Variants in RFX4 observed in about 807,000 individuals in gnomAD.
RFX4 encodes the protein transcription factor RFX4.
Under a neutral mutation model 95.0 loss-of-function variants are expected in RFX4, and 10 were observed. The observed-to-expected ratio is 0.11, with a 90% CI of 0.06 to 0.18. The LOEUF (loss-of-function observed/expected upper bound fraction) is 0.18, where lower values mean the gene tolerates loss of function less well. Among genes scored for constraint, RFX4 ranks in the 10% least tolerant of loss-of-function variants. The pLI is 1.00. For synonymous variants in RFX4, 321 were observed against 340.7 expected, an observed-to-expected ratio of 0.94 and a Z score of 0.64; for missense variants, 640 against 922.0, an observed-to-expected ratio of 0.69 and a Z score of 3.96.
At chr12:106,601,782 T>C (rs1444917228) in intron 1 of RFX4, among the ~76,000 whole-genome samples, 1 of 152,214 alleles carries the variant, frequency 6.6e-6, no homozygotes, top group African/African-American at 2.4e-5. Context: ...CTCCCACCAC[T>C]GGGAGTCACA....
intron 1 of RFX4, among the ~76,000 whole-genome samples, chr12:106,606,814 C>T (rs979825791): frequency 1.3e-5 from 2 of 152,072 alleles, no homozygotes; most frequent in Admixed American, 1.3e-4. Flanking sequence ...AACAAAAATC[C>T]GACATTTCTC....
intron 1 of RFX4, among the ~76,000 whole-genome samples, chr12:106,599,498 ATG>A (rs2039668854): frequency 6.6e-6 from 1 of 151,928 alleles, no homozygotes; most frequent in Non-Finnish European, 1.5e-5. Flanking sequence ...GATGATGATG[ATG>A]ATGATGATGA....
At chr12:106,659,182 A>T (rs2041021593) in intron 4 of RFX4, among the ~76,000 whole-genome samples, 3 of 152,062 alleles carry the variant, frequency 2.0e-5, no homozygotes, top group African/African-American at 7.3e-5. Context: ...TCTTGAATTT[A>T]AAACTGCAGT....
At chr12:106,590,813 G>A (rs2039528759) in intron 1 of RFX4, among the ~76,000 whole-genome samples, 1 of 152,070 alleles carries the variant, frequency 6.6e-6, no homozygotes, top group Admixed American at 6.5e-5. Context: ...CGGACATGGT[G>A]GTGCATGCCT....
At position 106,586,246 on chromosome 12, in the gene RFX4, G is replaced by C. The variant is rs2039456180; in HGVS notation, c.43+2883G>C. Among the ~76,000 whole-genome samples, 1 of 152,048 alleles carries C rather than the reference G, an allele frequency of 6.6e-6. No individual in the cohort carries two copies. The highest frequency in any genetic ancestry group is 6.5e-5 in the Admixed American group (1 of 15,288). On this transcript the variant is annotated intron_variant, in intron 1 of 17. Coordinates refer to ENST00000392842, the MANE Select transcript of RFX4 (RefSeq NM_213594.3). The surrounding 1 kb of genome is among the most constrained non-coding windows in gnomAD (Gnocchi z 5.6). ...CGCGGTTTGCAGTAAGCGCAGGCGC[G>C]CGTCCCGCTCGGCCCGCGCTACAGC...
chr12:106,686,836 TCTC>T lies in RFX4; in HGVS notation c.378-47_378-45del, dbSNP rs754040869. On this transcript the variant is annotated intron_variant, in intron 5 of 17. Coordinates refer to ENST00000392842, the MANE Select transcript of RFX4 (RefSeq NM_213594.3). ...CTTAATAACAGTGCATGTGGGTCTC[TCTC>T]TTTTTTTTTTTTTCTCTCTCTCCCT... is the stretch of plus-strand genomic sequence containing the variant. 3.3e-6 allele frequency: 5 copies of T among 1,527,980 alleles called. No individual in the cohort carries two copies. The African/African-American group carries it at 5.1e-5, about 16-fold the overall frequency. 94.7% of individuals were successfully genotyped at this position (1,527,980 alleles called of 1,614,324 possible). A position where few individuals can be genotyped will look rare whatever the true frequency, so the allele number is the denominator to read the frequency against.
At chr12:106,602,203 C>T (rs570483578) in intron 1 of RFX4, among the ~76,000 whole-genome samples, 27 of 152,146 alleles carry the variant, frequency 1.8e-4, no homozygotes, top group Non-Finnish European at 3.4e-4. Context: ...TCAGTTGCTG[C>T]GAGCAACAGA....
At chr12:106,691,710 T>C (rs2041787124) in intron 7 of RFX4, among the ~76,000 whole-genome samples, 1 of 152,228 alleles carries the variant, frequency 6.6e-6, no homozygotes, top group African/African-American at 2.4e-5. Flanking sequence ...TGTAAGCTTT[T>C]GAGGGCAGGA....
rs746465399 is a variant in RFX4 at position 106,639,356 on chromosome 12, C to T, written c.155C>T (p.Ala52Val). Reference sequence around the variant, plus strand: ...GATGAGGAAAAAGAAAATAATAGAGCATCCAAGCCCCACTCCACTCCTGCT... The same window carrying T: ...GATGAGGAAAAAGAAAATAATAGAGTATCCAAGCCCCACTCCACTCCTGCT... ...DENEEKENNR[A>V]SKPHSTPATL... The change falls in exon 3 of 18, where the codon GCA becomes GTA. Residue 52 changes from alanine to valine, a missense_variant. Physicochemically the swap from Ala to Val is moderately conservative, Grantham distance 64. Coordinates refer to ENST00000392842, the MANE Select transcript of RFX4 (RefSeq NM_213594.3). 5.3e-5 allele frequency: 85 copies of T among 1,613,638 alleles called. 2 individuals are homozygous for T. In the Middle Eastern group the frequency reaches 9.9e-4, roughly 19 times the overall value.
chr12:106,727,676 A>G (rs898651427), intron 13 of RFX4, among the ~76,000 whole-genome samples: 4 of 151,930 alleles, frequency 2.6e-5, no homozygotes, highest in Non-Finnish European at 4.4e-5. Context: ...CTGGAGTGCA[A>G]TGGCACGACC....
chr12:106,660,411 GA>G, intron 4 of RFX4, among the ~76,000 whole-genome samples: 1 of 151,804 alleles, frequency 6.6e-6, no homozygotes, highest in Admixed American at 6.6e-5. Context: ...AAGGTCCATG[GA>G]AGCTAAAGTG....
At chr12:106,673,142 G>C (rs533212189) in intron 4 of RFX4, among the ~76,000 whole-genome samples, 22 of 152,206 alleles carry the variant, frequency 1.4e-4, no homozygotes, top group Non-Finnish European at 2.6e-4. Context: ...AATGAGGAGC[G>C]TCTGCAAATC....
intron 1 of RFX4, among the ~76,000 whole-genome samples, chr12:106,607,285 C>A (rs1024213259): frequency 4.6e-5 from 7 of 152,136 alleles, no homozygotes; most frequent in African/African-American, 1.7e-4. Flanking sequence ...AAAACTTTGT[C>A]AATGACACAT....
At position 106,661,953 on chromosome 12, in the gene RFX4, T is replaced by A. The variant is rs148712597; in HGVS notation, c.315+7602T>A. Among the ~76,000 whole-genome samples the A allele has an allele frequency of 6.2e-3, 937 of 152,102 alleles. 4 individuals carry two copies. Among genetic ancestry groups the A allele is most frequent in the Middle Eastern group, 0.01 (3 of 294 alleles). ...GTCTGGAGGTACCATGGTTTATTTA[T>A]CCACCTACTTACTGAAGGATATTTT... On this transcript the variant is annotated intron_variant, in intron 4 of 17. Coordinates refer to ENST00000392842, the MANE Select transcript of RFX4 (RefSeq NM_213594.3).
intron 17 of RFX4, among the ~76,000 whole-genome samples, chr12:106,758,253 C>G (rs901342834): frequency 6.6e-6 from 1 of 152,126 alleles, no homozygotes; most frequent in Non-Finnish European, 1.5e-5. Flanking sequence ...ATGTTAATGA[C>G]CAGGCCAAGG....
chr12:106,730,499 A>T (rs2137556726), intron 13 of RFX4, among the ~76,000 whole-genome samples: 1 of 152,342 alleles, frequency 6.6e-6, no homozygotes, highest in South Asian at 2.1e-4. Flanking sequence ...ACTAATGAAG[A>T]GACTCATTTC....
chr12:106,591,069 A>G (rs1196055308), intron 1 of RFX4, among the ~76,000 whole-genome samples: 2 of 152,068 alleles, frequency 1.3e-5, no homozygotes, highest in South Asian at 2.1e-4. Context: ...AGGGCCCACA[A>G]CCCAGCTGGC....
Position 106,641,229 on chromosome 12 carries a change from C to T in RFX4, c.191+1837C>T, listed in dbSNP as rs1273450377. Among the ~76,000 whole-genome samples the T allele has an allele frequency of 2.6e-5, 4 of 152,324 alleles. No homozygotes were observed. The East Asian group carries it at 7.7e-4, about 29-fold the overall frequency. Reference sequence around the variant, plus strand: ...GGGAGCAGTGAGGCTGTAAATGGTGCAGTCTCTGAAATCAAACTGTCATGG... The same window carrying T: ...GGGAGCAGTGAGGCTGTAAATGGTGTAGTCTCTGAAATCAAACTGTCATGG... On this transcript the variant is annotated intron_variant, in intron 3 of 17. Transcript: ENST00000392842.
intron 8 of RFX4, among the ~76,000 whole-genome samples, chr12:106,707,907 T>A (rs10161520): frequency 1.3e-5 from 2 of 151,878 alleles, no homozygotes; most frequent in Non-Finnish European, 2.9e-5. Flanking sequence ...CCAAGGCGGG[T>A]GGATCACTTG....
Sources: gnomAD v4.1 joint callset for allele counts (sites outside exome capture counted in the v4.1 genomes callset) on GRCh38, gnomAD v4.1.1 for gene constraint, Gnocchi (gnomAD v3.1) non-coding constraint, MANE v1.5 for transcripts, NCBI Gene and HGNC (gene_info 2026-07-23, HGNC 2026-07-21) for gene names.